The following XPA variants were observed in gnomAD, a reference collection of about 807,000 sequenced individuals.
The protein encoded by XPA is XPA, DNA damage recognition and repair factor.
In XPA, 27 loss-of-function variants were observed where a neutral mutation model predicts 35.7. The ratio of observed to expected loss-of-function variants is 0.76; its 90% CI spans 0.56 to 1.04. The LOEUF (loss-of-function observed/expected upper bound fraction) is 1.04. Ranked by LOEUF, XPA falls within the 50% of genes least tolerant of loss-of-function variation. The pLI, the probability that XPA is intolerant of heterozygous loss-of-function variation, is 0.00. For synonymous variants in XPA, 133 were observed against 118.4 expected (o/e 1.12, Z -0.80); for missense variants, 354 against 342.7 (o/e 1.03, Z -0.26).
the XPA span, among the ~76,000 whole-genome samples, chr9:97,657,662 A>AT: frequency 0.018 from 2,737 of 152,188 alleles, 102 homozygotes; most frequent in African/African-American, 0.062. Context: ...AGCTACCACT[A>AT]AGATGGTTGC....
At chr9:97,656,019 G>C in the XPA span, 1 of 1,613,614 alleles carries the variant, frequency 6.2e-7, no homozygotes, top group Non-Finnish European at 8.5e-7. Flanking sequence ...AGGTCAGATT[G>C]TCTTAGTCAA....
intron 4 of XPA, among the ~76,000 whole-genome samples, chr9:97,685,965 C>T (rs1283450682): frequency 6.6e-6 from 1 of 152,130 alleles, no homozygotes; most frequent in East Asian, 1.9e-4. Context: ...AGTCTAATGG[C>T]ACTATTTCAC....
the XPA span, chr9:97,667,007 C>T: frequency 1.5e-6 from 1 of 653,546 alleles, no homozygotes; most frequent in Admixed American, 3.5e-5. Flanking sequence ...AGAAATTTTT[C>T]TGAGCCCAAT....
downstream of XPA, chr9:97,671,416 T>G: frequency 2.1e-6 from 1 of 474,490 alleles, no homozygotes; most frequent in Non-Finnish European, 3.8e-6. Context: ...CATGATATAT[T>G]ATATATGTGA....
At chr9:97,696,211 C>A (rs938602636) in intron 1 of XPA, among the ~76,000 whole-genome samples, 3 of 152,192 alleles carry the variant, frequency 2.0e-5, no homozygotes, top group African/African-American at 7.2e-5. Context: ...AAGAGTAATA[C>A]AGCTCTAAAC....
chr9:97,669,231 TTA>T, the XPA span, among the ~76,000 whole-genome samples: 1,490 of 152,318 alleles, frequency 9.8e-3, 11 homozygotes, highest in Non-Finnish European at 0.013. Context: ...GTTGCTTTTT[TTA>T]TATATGTCTC....
intron 5 of XPA, among the ~76,000 whole-genome samples, chr9:97,676,459 G>A (rs145899256): frequency 1.3e-4 from 20 of 152,270 alleles, no homozygotes; most frequent in African/African-American, 4.1e-4. Flanking sequence ...CATTATCTTT[G>A]ACAGTGGCAT....
downstream of XPA, among the ~76,000 whole-genome samples, chr9:97,670,820 A>T (rs948090848): frequency 6.6e-6 from 1 of 152,240 alleles, no homozygotes; most frequent in Non-Finnish European, 1.5e-5. Context: ...CACTGCTGCC[A>T]CTGCCTTGAA....
At chr9:97,694,398 C>T (rs1034728231) in intron 1 of XPA, among the ~76,000 whole-genome samples, 12 of 152,186 alleles carry the variant, frequency 7.9e-5, no homozygotes, top group Non-Finnish European at 1.8e-4. Context: ...ATTCAGAATA[C>T]ATAATAAAAT....
At chr9:97,688,383 A>G (rs1023489610) in intron 3 of XPA, among the ~76,000 whole-genome samples, 1 of 152,020 alleles carries the variant, frequency 6.6e-6, no homozygotes, top group Admixed American at 6.6e-5. Context: ...TTCCTCTTCC[A>G]CTTCTAAGAA....
In XPA at chr9:97,675,367, T is replaced by G. The variant is rs1412273799; in HGVS notation, c.*72A>C. On this transcript the variant is annotated 3_prime_UTR_variant, in exon 6 of 6. Transcript: ENST00000375128. ...AAGATGTTGCTTTTTTTTTTGAATT[T>G]TGAAAAGGACCAATCTAAATTTCCT... is the stretch of plus-strand genomic sequence containing the variant. 2 of 1,477,322 alleles carry G rather than the reference T, an allele frequency of 1.4e-6. No individual in the cohort carries two copies. The highest frequency in any genetic ancestry group is 1.8e-6 in the Non-Finnish European group (2 of 1,100,320). 91.5% of individuals were successfully genotyped at this position (1,477,322 alleles called of 1,614,324 possible).
At chr9:97,665,818 T>G in the XPA span, among the ~76,000 whole-genome samples, 1 of 122,646 alleles carries the variant, frequency 8.2e-6, no homozygotes, top group Non-Finnish European at 1.6e-5. Flanking sequence ...AAAATTTAAC[T>G]AGTAGCCTAC....
chr9:97,677,051 GA>G (rs747764761), intron 5 of XPA, among the ~76,000 whole-genome samples: 1 of 143,220 alleles, frequency 7.0e-6, no homozygotes, highest in Non-Finnish European at 1.5e-5. Context: ...TTGCCTACTT[GA>G]ATTCTAATAC....
intron 5 of XPA, among the ~76,000 whole-genome samples, chr9:97,682,890 T>C (rs1294235170): frequency 6.6e-6 from 1 of 152,202 alleles, no homozygotes; most frequent in Non-Finnish European, 1.5e-5. Context: ...ATATGCCACA[T>C]AGAATTCTTA....
chr9:97,668,852 G>A, the XPA span: 1 of 1,611,386 alleles, frequency 6.2e-7, no homozygotes, highest in South Asian at 1.1e-5. Context: ...ATAGCGAAGT[G>A]ATGATGACGA....
chr9:97,674,977 T>A lies in XPA; in HGVS notation c.*462A>T, dbSNP rs1368008216. 1 of 523,878 alleles carries A rather than the reference T, an allele frequency of 1.9e-6. No homozygotes were observed. Among genetic ancestry groups the A allele is most frequent in the East Asian group, 4.1e-5 (1 of 24,484 alleles). 32.5% of individuals were successfully genotyped at this position (523,878 alleles called of 1,614,324 possible). Reference sequence around the variant, plus strand: ...TTTCCAGCAGTAGTTCCCCACTGTTTCCACCATCGTGGAGACAGAAATCGT... The same window carrying A: ...TTTCCAGCAGTAGTTCCCCACTGTTACCACCATCGTGGAGACAGAAATCGT... On this transcript the variant is annotated 3_prime_UTR_variant, in exon 6 of 6. Transcript: ENST00000375128.
intron 2 of XPA, 104 bp downstream of exon 2, chr9:97,693,545 T>A (rs758280887): frequency 5.9e-6 from 6 of 1,009,876 alleles, no homozygotes; most frequent in Non-Finnish European, 9.1e-6. Flanking sequence ...ATGTACTCAC[T>A]GATTAAAGTA....
intron 2 of XPA, 54 bp from the exon 3 acceptor site, chr9:97,689,693 T>G: frequency 9.8e-7 from 1 of 1,023,982 alleles, no homozygotes; most frequent in Non-Finnish European, 1.5e-6. Context: ...GAACAATATA[T>G]TTTCCTCTAT....
the XPA span, chr9:97,655,797 G>A: frequency 1.3e-6 from 2 of 1,560,176 alleles, no homozygotes; most frequent in Non-Finnish European, 1.7e-6. Context: ...TTTTTCTGTA[G>A]TCAAAAAACT....
Sources: allele counts gnomAD v4.1 joint callset (sites outside exome capture counted in the v4.1 genomes callset), GRCh38; gene constraint gnomAD v4.1.1; transcripts MANE v1.5; gene names NCBI Gene and HGNC (gene_info 2026-07-23, HGNC 2026-07-21).